ARHGAP15: variants seen among roughly 807,000 people sequenced by gnomAD.
The protein encoded by ARHGAP15 is rho GTPase-activating protein 15.
A neutral mutation model predicts 63.7 loss-of-function variants in ARHGAP15; 51 were observed. That is an observed-to-expected ratio of 0.80 (90% confidence interval 0.64 to 1.01). ARHGAP15 has a LOEUF of 1.01. Ranked by LOEUF, ARHGAP15 falls within the 50% of genes least tolerant of loss-of-function variation. ARHGAP15 has a pLI of 0.00. For synonymous variants in ARHGAP15, 191 were observed against 193.8 expected, an observed-to-expected ratio of 0.99 and a Z score of 0.12; for missense variants, 560 against 564.6, an observed-to-expected ratio of 0.99 and a Z score of 0.08.
intron 9 of ARHGAP15, among the ~76,000 whole-genome samples, chr2:143,490,160 C>T (rs184255319): frequency 1.8e-4 from 27 of 152,150 alleles, no homozygotes; most frequent in Admixed American, 6.5e-4. Flanking sequence ...CCACCACGCC[C>T]GGCTAATATT....
chr2:143,136,599 T>C (rs1689153910), intron 1 of ARHGAP15, among the ~76,000 whole-genome samples: 1 of 152,118 alleles, frequency 6.6e-6, no homozygotes, highest in East Asian at 1.9e-4. Context: ...ACTCCTGTGC[T>C]GTAATTTGTT....
At chr2:143,767,631 A>AT (rs2072966672) in intron 13 of ARHGAP15, among the ~76,000 whole-genome samples, 1 of 151,980 alleles carries the variant, frequency 6.6e-6, no homozygotes, top group African/African-American at 2.4e-5. Flanking sequence ...TTATATATAT[A>AT]TTTTTTTGCA....
At chr2:143,540,687 G>A (rs975952343) in intron 10 of ARHGAP15, among the ~76,000 whole-genome samples, 4 of 152,184 alleles carry the variant, frequency 2.6e-5, no homozygotes, top group African/African-American at 9.7e-5. Flanking sequence ...TTTTCTTTAA[G>A]AATGTTGAGT....
chr2:143,475,405 G>A (rs939808549), intron 8 of ARHGAP15, among the ~76,000 whole-genome samples: 6 of 152,206 alleles, frequency 3.9e-5, no homozygotes, highest in African/African-American at 1.2e-4. Flanking sequence ...TGCTTCGCAC[G>A]CACATTTTGG....
At chr2:143,537,609 T>A (rs970614166) in intron 10 of ARHGAP15, among the ~76,000 whole-genome samples, 5 of 152,232 alleles carry the variant, frequency 3.3e-5, no homozygotes, top group African/African-American at 9.6e-5. Flanking sequence ...CTAGCCAGTT[T>A]TCCCAGCACC....
chr2:143,679,395 C>T (rs2105367353), intron 12 of ARHGAP15, among the ~76,000 whole-genome samples: 1 of 152,276 alleles, frequency 6.6e-6, no homozygotes, highest in East Asian at 1.9e-4. Flanking sequence ...TATTTTTGCT[C>T]ATTATAAAAC....
intron 6 of ARHGAP15, among the ~76,000 whole-genome samples, chr2:143,276,413 G>A (rs2105067603): frequency 6.6e-6 from 1 of 152,236 alleles, no homozygotes; most frequent in South Asian, 2.1e-4. Context: ...GCAAAATCAG[G>A]GTTTAAACAC....
chr2:143,651,564 T>C (rs1453292476), intron 12 of ARHGAP15, among the ~76,000 whole-genome samples: 1 of 152,004 alleles, frequency 6.6e-6, no homozygotes. Flanking sequence ...GAACATACGC[T>C]TTCATTTCTC....
chr2:143,379,487 ATGTGTGTGTGTGTGTGTGTGTGTG>A (rs58976215), intron 6 of ARHGAP15, among the ~76,000 whole-genome samples: 3 of 129,764 alleles, frequency 2.3e-5, no homozygotes, highest in Non-Finnish European at 4.9e-5. Flanking sequence ...AGGCATATAT[ATGTGTGTGTGTGTGTGTGTGTGTG>A]TGTGTGTGTG....
In ARHGAP15 at chr2:143,211,914, A is replaced by G. The variant is rs569132356; in HGVS notation, c.235-4470A>G. 8.5e-5 allele frequency among the ~76,000 whole-genome samples: 13 copies of G among 152,316 alleles called. No homozygotes were observed. The South Asian group carries it at 2.3e-3, about 27-fold the overall frequency. ...TATCAGAACAAAGGGGAAGAGAACA[A>G]TAACTTAAATACATCAGCAGAGAAA... is the stretch of plus-strand genomic sequence containing the variant. On this transcript the variant is annotated intron_variant, in intron 3 of 13. Transcript: ENST00000295095.
intron 6 of ARHGAP15, among the ~76,000 whole-genome samples, chr2:143,291,746 A>T (rs1682410875): frequency 6.6e-6 from 1 of 152,062 alleles, no homozygotes; most frequent in Admixed American, 6.6e-5. Context: ...ATTTGAATTC[A>T]AACTGATGAG....
intron 6 of ARHGAP15, among the ~76,000 whole-genome samples, chr2:143,380,147 G>C (rs1687000084): frequency 6.6e-6 from 1 of 152,082 alleles, no homozygotes; most frequent in Non-Finnish European, 1.5e-5. Flanking sequence ...GCAGATTAAT[G>C]AGTTCTAATG....
intron 12 of ARHGAP15, among the ~76,000 whole-genome samples, chr2:143,664,133 C>A (rs1396289320): frequency 6.6e-6 from 1 of 152,110 alleles, no homozygotes; most frequent in Non-Finnish European, 1.5e-5. Flanking sequence ...CACACCACAC[C>A]ACACCTATTC....
At chr2:143,181,178 G>A (rs1303315311) in intron 2 of ARHGAP15, among the ~76,000 whole-genome samples, 1 of 152,130 alleles carries the variant, frequency 6.6e-6, no homozygotes, top group Non-Finnish European at 1.5e-5. Flanking sequence ...TCAACAATGG[G>A]CTTAAAATAT....
intron 8 of ARHGAP15, among the ~76,000 whole-genome samples, chr2:143,464,703 G>A (rs1475263295): frequency 2.0e-5 from 3 of 152,100 alleles, no homozygotes; most frequent in Admixed American, 6.6e-5. Context: ...CAAGAAGTTT[G>A]TGTTGGAGGA....
intron 11 of ARHGAP15, among the ~76,000 whole-genome samples, chr2:143,566,122 C>T (rs781496890): frequency 2.0e-5 from 3 of 151,982 alleles, no homozygotes; most frequent in Non-Finnish European, 2.9e-5. Flanking sequence ...CCAAGCACAA[C>T]GTGAAAATAA....
At position 143,435,598 on chromosome 2, in the gene ARHGAP15, C is replaced by A. The variant is rs1411588302; in HGVS notation, c.475-3C>A. 12 of 1,056,480 alleles carry A rather than the reference C, an allele frequency of 1.1e-5. No individual in the cohort carries two copies. The highest frequency in any genetic ancestry group is 1.5e-5 in the Non-Finnish European group (12 of 826,668). The allele number at this position is 1,056,480 out of a possible 1,614,324, so 65.4% of individuals were successfully genotyped here. A position where few individuals can be genotyped will look rare whatever the true frequency, so the allele number is the denominator to read the frequency against. ...TTTCTTTTTCTTTTTTTTTTTTTTGCAGATCACAACAGTATCAGGAAATGA... is the reference window on the plus strand; with the variant it reads ...TTTCTTTTTCTTTTTTTTTTTTTTGAAGATCACAACAGTATCAGGAAATGA... On this transcript the variant is annotated splice_region_variant and splice_polypyrimidine_tract_variant and intron_variant, in intron 6 of 13. Coordinates refer to ENST00000295095, the MANE Select transcript of ARHGAP15 (RefSeq NM_018460.4).
intron 5 of ARHGAP15, among the ~76,000 whole-genome samples, chr2:143,229,204 A>G (rs1693341683): frequency 6.6e-6 from 1 of 152,172 alleles, no homozygotes; most frequent in South Asian, 2.1e-4. Context: ...AACTGTTTAT[A>G]AATGGCACCT....
intron 13 of ARHGAP15, among the ~76,000 whole-genome samples, chr2:143,755,442 A>G (rs1686542222): frequency 6.6e-6 from 1 of 152,204 alleles, no homozygotes; most frequent in South Asian, 2.1e-4. Flanking sequence ...CTAATTCTTC[A>G]TACAAAGGTA....
Sources: allele counts gnomAD v4.1 joint callset (sites outside exome capture counted in the v4.1 genomes callset), GRCh38; gene constraint gnomAD v4.1.1; transcripts MANE v1.5; gene names NCBI Gene and HGNC (gene_info 2026-07-23, HGNC 2026-07-21).